EPB41L3: variants seen among roughly 807,000 people sequenced by gnomAD.
EPB41L3 encodes band 4.1-like protein 3.
In EPB41L3, 57 loss-of-function variants were observed where a neutral mutation model predicts 127.1. The observed-to-expected ratio is 0.45, with a 90% CI of 0.36 to 0.56. The LOEUF (loss-of-function observed/expected upper bound fraction) is 0.56. EPB41L3 is among the 20% of genes least tolerant of loss of function. The pLI, the probability that EPB41L3 is intolerant of heterozygous loss-of-function variation, is 0.00. For synonymous variants in EPB41L3, 572 were observed against 549.5 expected, an observed-to-expected ratio of 1.04 and a Z score of -0.57; for missense variants, 1,273 against 1,372.2, an observed-to-expected ratio of 0.93 and a Z score of 1.14.
intron 6 of EPB41L3, 90 bp downstream of exon 6, chr18:5,437,945 A>C: frequency 8.8e-7 from 1 of 1,132,252 alleles, no homozygotes; most frequent in Non-Finnish European, 1.3e-6. Flanking sequence ...TTGTAAGGCT[A>C]CCAGATGTAA....
intron 3 of EPB41L3, among the ~76,000 whole-genome samples, chr18:5,595,160 C>A (rs1334625876): frequency 6.6e-6 from 1 of 152,156 alleles, no homozygotes; most frequent in East Asian, 1.9e-4. Context: ...AGAGAACCAG[C>A]CTAATTGTTT....
intron 12 of EPB41L3, among the ~76,000 whole-genome samples, chr18:5,419,107 G>T (rs1294854110): frequency 1.3e-5 from 2 of 152,104 alleles, no homozygotes; most frequent in Non-Finnish European, 2.9e-5. Flanking sequence ...ATTTAATTTG[G>T]GGTGAAACAA....
intron 3 of EPB41L3, among the ~76,000 whole-genome samples, chr18:5,565,518 A>G (rs1599006217): frequency 1.3e-5 from 2 of 151,102 alleles, no homozygotes; most frequent in South Asian, 4.2e-4. Flanking sequence ...GGTTAGTTAC[A>G]TATGTATACA....
chr18:5,630,053 G>C (rs920175290), upstream of EPB41L3, among the ~76,000 whole-genome samples: 5 of 152,198 alleles, frequency 3.3e-5, no homozygotes, highest in Non-Finnish European at 7.3e-5. Context: ...GGTTCGCAGA[G>C]GCGCCGCGCC....
chr18:5,433,602 G>A (rs1039469838), intron 7 of EPB41L3, 46 bp from the exon 8 acceptor site: 16 of 1,517,924 alleles, frequency 1.1e-5, no homozygotes, highest in Non-Finnish European at 1.2e-5. Flanking sequence ...TCCCTTCCCT[G>A]GTAGGCTGCA....
At chr18:5,630,422 C>T (rs375748544), upstream of EPB41L3, 12 of 518,788 alleles carry the variant, frequency 2.3e-5, no homozygotes, top group African/African-American at 1.9e-4. Flanking sequence ...GGAGCTTGTT[C>T]GCAGCCCGCA....
At chr18:5,462,013 A>G (rs2084088461) in intron 3 of EPB41L3, among the ~76,000 whole-genome samples, 1 of 152,218 alleles carries the variant, frequency 6.6e-6, no homozygotes, top group South Asian at 2.1e-4. Context: ...AGGTAAGAGC[A>G]GGGTATTATT....
chr18:5,535,246 C>G (rs2093536454), intron 1 of EPB41L3, among the ~76,000 whole-genome samples: 1 of 152,018 alleles, frequency 6.6e-6, no homozygotes, highest in Admixed American at 6.5e-5. Context: ...GTGCCAAGGA[C>G]AGGGCCACAC....
intron 3 of EPB41L3, among the ~76,000 whole-genome samples, chr18:5,569,025 G>A (rs950139495): frequency 6.6e-6 from 1 of 152,162 alleles, no homozygotes; most frequent in Non-Finnish European, 1.5e-5. Context: ...AATTCCTCTT[G>A]ATTACAATCT....
At chr18:5,571,749 C>T (rs2094283538) in intron 3 of EPB41L3, among the ~76,000 whole-genome samples, 1 of 152,320 alleles carries the variant, frequency 6.6e-6, no homozygotes, top group East Asian at 1.9e-4. Context: ...TATGTCCTTA[C>T]ATTTCATCAG....
intron 1 of EPB41L3, among the ~76,000 whole-genome samples, chr18:5,618,673 T>A (rs2094825836): frequency 6.6e-6 from 1 of 152,226 alleles, no homozygotes; most frequent in African/African-American, 2.4e-5. Flanking sequence ...TGTGTATCTT[T>A]GTGAACAGAC....
intron 13 of EPB41L3, among the ~76,000 whole-genome samples, chr18:5,411,426 A>G (rs2076180779): frequency 6.6e-6 from 1 of 152,242 alleles, no homozygotes; most frequent in South Asian, 2.1e-4. Context: ...ATCTACTTAG[A>G]AACAAATAAA....
rs2072607862 is a variant in EPB41L3, at chr18:5,392,676, G to A, written c.*809C>T. On this transcript the variant is annotated 3_prime_UTR_variant, in exon 23 of 23. Transcript: ENST00000341928. The stretch of plus-strand genomic sequence containing the variant: ...AAGTAACTAAGAAAACAAAGCCACA[G>A]GAAGCCCAGCAGTTTCTCCTGAAGT... 6.6e-6 allele frequency: 1 copy of A among 152,520 alleles called. No homozygotes were observed. Among genetic ancestry groups the A allele is most frequent in the South Asian group, 2.1e-4 (1 of 4,824 alleles). 9.4% of individuals were successfully genotyped at this position (152,520 alleles called of 1,614,324 possible).
chr18:5,546,734 A>G (rs2093887212), upstream of EPB41L3, among the ~76,000 whole-genome samples: 1 of 152,126 alleles, frequency 6.6e-6, no homozygotes, highest in Admixed American at 6.6e-5. Context: ...GAAACGTCAA[A>G]TTCATGAGGG....
At chr18:5,595,032 T>G (rs551919381) in intron 3 of EPB41L3, among the ~76,000 whole-genome samples, 69 of 152,306 alleles carry the variant, frequency 4.5e-4, no homozygotes, top group African/African-American at 1.6e-3. Context: ...ATGCAATGTA[T>G]TCATTGTTAG....
chr18:5,457,323 G>T (rs2083257843), intron 3 of EPB41L3, among the ~76,000 whole-genome samples: 1 of 151,954 alleles, frequency 6.6e-6, no homozygotes, highest in Non-Finnish European at 1.5e-5. Flanking sequence ...ATCTGCCCTC[G>T]GGGCTGAACT....
At chr18:5,564,440 T>G (rs2094172591) in intron 3 of EPB41L3, among the ~76,000 whole-genome samples, 1 of 152,136 alleles carries the variant, frequency 6.6e-6, no homozygotes. Context: ...TTGTGTTTGC[T>G]TTGTTTCTGA....
chr18:5,611,851 C>T (rs375681447), intron 3 of EPB41L3, among the ~76,000 whole-genome samples: 157 of 151,942 alleles, frequency 1.0e-3, no homozygotes, highest in South Asian at 2.7e-3. Flanking sequence ...TTCTTATACT[C>T]GGGAAGCTGA....
At position 5,416,255 on chromosome 18, in the gene EPB41L3, G is replaced by C; in HGVS notation, c.1630C>G (p.Pro544Ala). 2 of 1,614,144 alleles carry C rather than the reference G, an allele frequency of 1.2e-6. No individual in the cohort carries two copies. Among genetic ancestry groups the C allele is most frequent in the Non-Finnish European group, 1.7e-6 (2 of 1,180,032 alleles). ...CCAGGCAGGTGCTCAGCTCTGGACG[G>C]CTCATAACCTGGCAGTTTGCAGTCA... ...ENDCKLPGYE[P>A]SRAEHLPGEP... Residue 544 changes from proline to alanine, a missense_variant, in exon 13 of 23, where the codon CCG becomes GCG. By Grantham distance (27) the Pro-to-Ala change is conservative. Transcript: ENST00000341928.
Sources: gnomAD v4.1 joint callset for allele counts (sites outside exome capture counted in the v4.1 genomes callset) on GRCh38, gnomAD v4.1.1 for gene constraint, MANE v1.5 for transcripts, NCBI Gene and HGNC (gene_info 2026-07-23, HGNC 2026-07-21) for gene names.